Variants in MEF2C observed in about 807,000 individuals in gnomAD.
MEF2C encodes the protein myocyte-specific enhancer factor 2C.
MEF2C carries 6 observed loss-of-function variants against 50.5 expected under a neutral mutation model. That is an observed-to-expected ratio of 0.12 (90% CI 0.07 to 0.23). The LOEUF (loss-of-function observed/expected upper bound fraction) is 0.23, where lower values mean the gene tolerates loss of function less well. Ranked by LOEUF, MEF2C falls within the 10% of genes least tolerant of loss-of-function variation. The pLI is 1.00. For missense variants in MEF2C, 276 were observed against 605.0 expected, an observed-to-expected ratio of 0.46 and a Z score of 5.70; for synonymous variants, 183 against 228.0, an observed-to-expected ratio of 0.80 and a Z score of 1.78.
At chr5:88,889,829 A>G (rs1037261251) in intron 1 of MEF2C, among the ~76,000 whole-genome samples, 1 of 152,122 alleles carries the variant, frequency 6.6e-6, no homozygotes, top group Admixed American at 6.5e-5. Flanking sequence ...ATGCGATCCA[A>G]AAGAGCTCGG....
chr5:88,803,676 T>C (rs1347356489), intron 3 of MEF2C, among the ~76,000 whole-genome samples: 1 of 152,212 alleles, frequency 6.6e-6, no homozygotes, highest in Non-Finnish European at 1.5e-5. Context: ...GTCTTAATCA[T>C]TGCTCATGAA....
chr5:88,807,340 C>G (rs1800909473), intron 2 of MEF2C, among the ~76,000 whole-genome samples: 1 of 152,190 alleles, frequency 6.6e-6, no homozygotes, highest in Non-Finnish European at 1.5e-5. Context: ...CCTCCCGCCT[C>G]AACCTCCGGA....
chr5:88,809,340 A>T (rs1167534783), intron 2 of MEF2C, among the ~76,000 whole-genome samples: 1 of 152,196 alleles, frequency 6.6e-6, no homozygotes, highest in Non-Finnish European at 1.5e-5. Context: ...TTCACAAAAA[A>T]TATAAAAATA....
At chr5:88,788,282 C>G (rs970592652) in intron 3 of MEF2C, among the ~76,000 whole-genome samples, 1 of 152,136 alleles carries the variant, frequency 6.6e-6, no homozygotes, top group South Asian at 2.1e-4. Flanking sequence ...TTTACTGCAA[C>G]CTCCGCCTCC....
At chr5:88,840,978 T>G (rs1213103792) in intron 1 of MEF2C, among the ~76,000 whole-genome samples, 3 of 152,216 alleles carry the variant, frequency 2.0e-5, no homozygotes, top group African/African-American at 7.2e-5. Flanking sequence ...GCTATGTTGC[T>G]TAATACTCAC....
chr5:88,769,861 G>T, intron 3 of MEF2C: 1 of 633,382 alleles, frequency 1.6e-6, no homozygotes, highest in Non-Finnish European at 2.0e-6. Flanking sequence ...GTCCAGGCTG[G>T]TCTTGAACTC....
rs537229311 is a variant in MEF2C, at chr5:88,899,051, A to G, written c.-240+4865T>C. 2.6e-5 allele frequency among the ~76,000 whole-genome samples: 4 copies of G among 152,314 alleles called. No individual in the cohort carries two copies. The South Asian group carries it at 8.3e-4, about 32-fold the overall frequency. On this transcript the variant is annotated intron_variant, in intron 1 of 11. Transcript: ENST00000340208. ...TTTTCCTGTCATTCTATAAAATTAA[A>G]AATATTAAATGACCATTCAGTACTT... is the stretch of plus-strand genomic sequence containing the variant.
At chr5:88,799,870 TCACACACACACACACA>T (rs60340884) in intron 3 of MEF2C, among the ~76,000 whole-genome samples, 15 of 107,416 alleles carry the variant, frequency 1.4e-4, no homozygotes, top group African/African-American at 3.2e-4. Flanking sequence ...TCTCTCTCTC[TCACACACACACACACA>T]CACACACACA....
intron 3 of MEF2C, among the ~76,000 whole-genome samples, chr5:88,762,689 A>G (rs113148903): frequency 2.6e-5 from 4 of 152,296 alleles, no homozygotes; most frequent in African/African-American, 9.6e-5. Context: ...ATAGTTTGTC[A>G]TGTTAATTAT....
intron 3 of MEF2C, among the ~76,000 whole-genome samples, chr5:88,778,462 G>T (rs1786030093): frequency 1.3e-5 from 2 of 152,150 alleles, no homozygotes; most frequent in African/African-American, 2.4e-5. Context: ...GGATGCAAAG[G>T]CTGGTAACTA....
intron 8 of MEF2C, among the ~76,000 whole-genome samples, chr5:88,729,738 G>A (rs1287056922): frequency 2.0e-5 from 3 of 152,000 alleles, no homozygotes; most frequent in African/African-American, 7.2e-5. Flanking sequence ...TCTACATACA[G>A]CAGAGAGCAA....
chr5:88,858,657 G>A (rs1824375789), intron 1 of MEF2C, among the ~76,000 whole-genome samples: 2 of 152,246 alleles, frequency 1.3e-5, no homozygotes, highest in Middle Eastern at 3.4e-3. Context: ...ATCCTTGTCA[G>A]TTTCCTAATC....
At chr5:88,885,917 ATTATT>A (rs1834004399), upstream of MEF2C, among the ~76,000 whole-genome samples, 1 of 152,192 alleles carries the variant, frequency 6.6e-6, no homozygotes, top group Admixed American at 6.5e-5. Context: ...TCAAAAAGAA[ATTATT>A]TTATTTTACC....
intron 1 of MEF2C, chr5:88,825,493 A>G (rs1810471276): frequency 3.0e-6 from 3 of 984,080 alleles, no homozygotes; most frequent in Non-Finnish European, 3.6e-6. Context: ...GTAATTTTAA[A>G]TGTTGGAGGT....
At chr5:88,842,356 A>T (rs1817685419) in intron 1 of MEF2C, among the ~76,000 whole-genome samples, 1 of 152,158 alleles carries the variant, frequency 6.6e-6, no homozygotes, top group African/African-American at 2.4e-5. Context: ...AAGAAAAAAA[A>T]TCTAGTAAAA....
chr5:88,805,823 CTTTTTTTTTTTTTTTTTT>C (rs869224140), intron 2 of MEF2C, among the ~76,000 whole-genome samples: 1 of 61,554 alleles, frequency 1.6e-5, no homozygotes, highest in African/African-American at 6.2e-5. Flanking sequence ...CGTGAACATT[CTTTTTTTTTTTTTTTTTT>C]TTTTTTTTTG....
intron 1 of MEF2C, among the ~76,000 whole-genome samples, chr5:88,901,783 A>G (rs1216723478): frequency 6.6e-6 from 1 of 152,030 alleles, no homozygotes; most frequent in Non-Finnish European, 1.5e-5. Flanking sequence ...ATGGTGGACA[A>G]GAATTTACAG....
intron 3 of MEF2C, among the ~76,000 whole-genome samples, chr5:88,792,141 T>A (rs1268280380): frequency 6.6e-6 from 1 of 152,164 alleles, no homozygotes; most frequent in Non-Finnish European, 1.5e-5. Context: ...ATTAATTTAC[T>A]AATTATATAG....
intron 3 of MEF2C, among the ~76,000 whole-genome samples, chr5:88,769,754 C>T (rs1045316776): frequency 1.3e-5 from 2 of 152,144 alleles, no homozygotes; most frequent in Admixed American, 6.5e-5. Context: ...AAGTGATCTT[C>T]CCACTTCAGT....
Sources: gnomAD v4.1 joint callset for allele counts (sites outside exome capture counted in the v4.1 genomes callset) on GRCh38, gnomAD v4.1.1 for gene constraint, MANE v1.5 for transcripts, NCBI Gene and HGNC (gene_info 2026-07-23, HGNC 2026-07-21) for gene names.